Variants in GDPD4 observed in about 807,000 individuals in gnomAD.
GDPD4 encodes glycerophosphodiester phosphodiesterase domain containing 4.
Under a neutral mutation model 67.8 loss-of-function variants are expected in GDPD4, and 60 were observed. The observed-to-expected ratio is 0.88, with a 90% confidence interval of 0.72 to 1.10. The LOEUF is 1.10. Ranked by LOEUF, GDPD4 falls within the 50% of genes least tolerant of loss-of-function variation. The pLI, the probability that GDPD4 is intolerant of heterozygous loss-of-function variation, is 0.00. For synonymous variants in GDPD4, 212 were observed against 210.9 expected, an observed-to-expected ratio of 1.00 and a Z score of -0.04; for missense variants, 623 against 613.9, an observed-to-expected ratio of 1.01 and a Z score of -0.16.
intron 16 of GDPD4, among the ~76,000 whole-genome samples, chr11:77,219,492 A>G (rs1426962963): frequency 1.3e-5 from 2 of 152,160 alleles, no homozygotes; most frequent in African/African-American, 4.8e-5. Flanking sequence ...GTTTTCTTCT[A>G]GGGTTTTTAT....
At chr11:77,225,771 G>GC (rs1432695432) in intron 16 of GDPD4, among the ~76,000 whole-genome samples, 1 of 152,150 alleles carries the variant, frequency 6.6e-6, no homozygotes, top group Non-Finnish European at 1.5e-5. Context: ...AGCAGTACGT[G>GC]CCCATCCTGG....
intron 4 of GDPD4, among the ~76,000 whole-genome samples, chr11:77,277,218 C>T (rs1392209760): frequency 6.7e-6 from 1 of 150,156 alleles, no homozygotes; most frequent in East Asian, 1.9e-4. Context: ...CTACATTTTC[C>T]CCATGTAAAA....
chr11:77,233,233 G>A, intron 13 of GDPD4, 61 bp from the exon 14 acceptor site: 1 of 1,520,892 alleles, frequency 6.6e-7, no homozygotes, highest in East Asian at 2.3e-5. Flanking sequence ...TCATCTAAAA[G>A]GAGAACAGCC....
chr11:77,293,085 T>C (rs1937836054), intron 1 of GDPD4, among the ~76,000 whole-genome samples: 1 of 152,216 alleles, frequency 6.6e-6, no homozygotes, highest in African/African-American at 2.4e-5. Context: ...ATACCAATTC[T>C]ATAGAAACTC....
At chr11:77,289,837 AGG>A (rs1937708460) in intron 1 of GDPD4, among the ~76,000 whole-genome samples, 1 of 107,880 alleles carries the variant, frequency 9.3e-6, no homozygotes, top group African/African-American at 3.3e-5. Context: ...AGGGAGGGGA[AGG>A]AAAGGAGGGA....
chr11:77,239,647 A>T (rs1443818002), intron 13 of GDPD4, among the ~76,000 whole-genome samples: 1 of 152,184 alleles, frequency 6.6e-6, no homozygotes, highest in Non-Finnish European at 1.5e-5. Flanking sequence ...AAAGATCTGT[A>T]CACTAAAAAC....
At chr11:77,236,436 A>G (rs1031775935) in intron 13 of GDPD4, among the ~76,000 whole-genome samples, 13 of 152,034 alleles carry the variant, frequency 8.6e-5, no homozygotes, top group Admixed American at 6.6e-5. Context: ...ATTCCAATTA[A>G]AAGTCCGAGA....
intron 13 of GDPD4, among the ~76,000 whole-genome samples, chr11:77,234,926 G>A (rs1028209330): frequency 6.7e-6 from 1 of 150,076 alleles, no homozygotes; most frequent in African/African-American, 2.5e-5. Context: ...TCTCTAAACT[G>A]CTTTCCCCAG....
At chr11:77,295,152 T>C (rs562731549) in intron 1 of GDPD4, among the ~76,000 whole-genome samples, 2 of 151,446 alleles carry the variant, frequency 1.3e-5, no homozygotes, top group South Asian at 4.2e-4. Context: ...GTTGTTGTTT[T>C]TGTTTTTGTA....
At chr11:77,279,024 G>A (rs1299287150) in intron 4 of GDPD4, among the ~76,000 whole-genome samples, 1 of 152,314 alleles carries the variant, frequency 6.6e-6, no homozygotes, top group Non-Finnish European at 1.5e-5. Context: ...CCATAGGATA[G>A]GGTATGAAAC....
intron 13 of GDPD4, among the ~76,000 whole-genome samples, chr11:77,242,399 T>C (rs1359054806): frequency 1.3e-5 from 2 of 152,156 alleles, no homozygotes; most frequent in African/African-American, 4.8e-5. Flanking sequence ...ATACTTTTGA[T>C]TAAAACAATG....
chr11:77,222,011 G>T (rs1041526242), intron 16 of GDPD4, among the ~76,000 whole-genome samples: 7 of 152,100 alleles, frequency 4.6e-5, no homozygotes, highest in African/African-American at 1.7e-4. Context: ...ATCTTTGTTG[G>T]TTTAAAGTCT....
chr11:77,232,063 TGGA>T (rs1454219012), intron 14 of GDPD4, among the ~76,000 whole-genome samples: 2 of 152,184 alleles, frequency 1.3e-5, no homozygotes, highest in Non-Finnish European at 2.9e-5. Context: ...GGTGGAGATC[TGGA>T]GGAGGTGACT....
rs1047175826 is a variant in GDPD4 at position 77,288,642 on chromosome 11, C to G, written c.-253-1222G>C. The stretch of plus-strand genomic sequence containing the variant: ...CACCCAACCAACTCTACAGATACAT[C>G]TACAAGAAAAAAAAATCTTCCCCTA... On this transcript the variant is annotated intron_variant, in intron 1 of 16. Transcript: ENST00000315938. Among the ~76,000 whole-genome samples, 19 of 151,852 alleles carry G rather than the reference C, an allele frequency of 1.3e-4. No individual in the cohort carries two copies. The East Asian group carries it at 3.7e-3, about 29-fold the overall frequency.
Position 77,227,844 on chromosome 11 carries a change from G to A in GDPD4, c.1525+20C>T. 1 of 1,596,112 alleles carries A rather than the reference G, an allele frequency of 6.3e-7. No individual in the cohort carries two copies. The highest frequency in any genetic ancestry group is 8.6e-7 in the Non-Finnish European group (1 of 1,164,000). On this transcript the variant is annotated intron_variant, in intron 16 of 16. Transcript: ENST00000315938. ...GGGTAGGGATGAAGAGACAGGAGTG[G>A]GCTAGGCCTCTGACTTTACCTGTGC...
chr11:77,284,443 T>A (rs977286725), intron 3 of GDPD4, among the ~76,000 whole-genome samples: 4 of 152,238 alleles, frequency 2.6e-5, no homozygotes, highest in Admixed American at 6.5e-5. Flanking sequence ...TAACAAACCA[T>A]GTTTTACTTC....
At chr11:77,256,514 C>T (rs184907656) in intron 11 of GDPD4, among the ~76,000 whole-genome samples, 1 of 152,140 alleles carries the variant, frequency 6.6e-6, no homozygotes, top group Non-Finnish European at 1.5e-5. Context: ...CTAATTAATA[C>T]AATGAATCTG....
intron 13 of GDPD4, among the ~76,000 whole-genome samples, chr11:77,236,834 T>C (rs1262669552): frequency 1.3e-5 from 2 of 152,142 alleles, no homozygotes; most frequent in African/African-American, 4.8e-5. Flanking sequence ...TAAGGAACCA[T>C]TCATTTTTCT....
At chr11:77,268,090 T>C (rs1342081782) in intron 10 of GDPD4, among the ~76,000 whole-genome samples, 1 of 152,086 alleles carries the variant, frequency 6.6e-6, no homozygotes, top group Admixed American at 6.6e-5. Flanking sequence ...TCTTATTCAT[T>C]TGCATTTCCC....
Sources: allele counts gnomAD v4.1 joint callset (sites outside exome capture counted in the v4.1 genomes callset), GRCh38; gene constraint gnomAD v4.1.1; transcripts MANE v1.5; gene names NCBI Gene and HGNC (gene_info 2026-07-23, HGNC 2026-07-21).